VTI1A: variants seen among roughly 807,000 people sequenced by gnomAD.
The protein encoded by VTI1A is vesicle transport through interaction with t-SNAREs 1A.
Under a neutral mutation model 34.9 loss-of-function variants are expected in VTI1A, and 22 were observed. The ratio of observed to expected loss-of-function variants is 0.63; its 90% CI spans 0.45 to 0.90. VTI1A has a LOEUF of 0.90. VTI1A is among the 40% of genes least tolerant of loss of function. VTI1A has a pLI of 0.00. For missense variants in VTI1A, 268 were observed against 275.6 expected (o/e 0.97, Z 0.20); for synonymous variants, 87 against 97.3 (o/e 0.89, Z 0.62).
chr10:112,736,638 T>C (rs1428099253), intron 7 of VTI1A: 10 of 1,525,962 alleles, frequency 6.6e-6, no homozygotes, highest in African/African-American at 1.4e-5. Flanking sequence ...AATGCCAAAA[T>C]TGGAAACAAG....
intron 3 of VTI1A, among the ~76,000 whole-genome samples, chr10:112,514,861 T>G (rs1484772712): frequency 6.6e-6 from 1 of 152,028 alleles, no homozygotes; most frequent in Non-Finnish European, 1.5e-5. Flanking sequence ...GTCCTTTTCA[T>G]GCCTGTATAT....
chr10:112,826,638 T>C, the VTI1A span: 2 of 152,202 alleles, frequency 1.3e-5, no homozygotes, highest in African/African-American at 2.4e-5. Context: ...GATGCCAGCA[T>C]GAAGGAGGGT....
chr10:112,694,619 G>T (rs1848719458), intron 7 of VTI1A, among the ~76,000 whole-genome samples: 1 of 151,458 alleles, frequency 6.6e-6, no homozygotes, highest in Admixed American at 6.6e-5. Context: ...AACAAAGTTT[G>T]ACGATTCAGT....
chr10:112,817,415 G>A lies in VTI1A; in HGVS notation c.*2032G>A. The A allele has an allele frequency of 4.3e-6, 1 of 232,096 alleles. No individual in the cohort carries two copies. The highest frequency in any genetic ancestry group is 1.8e-4 in the South Asian group (1 of 5,516). 14.4% of individuals were successfully genotyped at this position (232,096 alleles called of 1,614,324 possible). ...AAGCAGACAAAATGAGAAAGGAGGA[G>A]GGCATTGCTCACCTCTCAATAGCTT... On this transcript the variant is annotated 3_prime_UTR_variant, in exon 8 of 8. Coordinates refer to ENST00000393077, the MANE Select transcript of VTI1A (RefSeq NM_145206.4).
intron 7 of VTI1A, among the ~76,000 whole-genome samples, chr10:112,699,270 G>A (rs755607604): frequency 6.6e-6 from 1 of 152,166 alleles, no homozygotes; most frequent in South Asian, 2.1e-4. Context: ...TCCACAGACG[G>A]TGTGGCTTAA....
At chr10:112,831,881 A>C in the VTI1A span, 1 of 152,172 alleles carries the variant, frequency 6.6e-6, no homozygotes, top group Non-Finnish European at 1.5e-5. Flanking sequence ...GTTAAATAAA[A>C]TATGTCCAAA....
chr10:112,500,600 A>G (rs1057246254), intron 3 of VTI1A, among the ~76,000 whole-genome samples: 1 of 152,148 alleles, frequency 6.6e-6, no homozygotes, highest in Non-Finnish European at 1.5e-5. Context: ...TGGGAGGAAC[A>G]TATTTTGTCT....
chr10:112,635,536 C>A (rs917801862), intron 5 of VTI1A, among the ~76,000 whole-genome samples: 1 of 152,020 alleles, frequency 6.6e-6, no homozygotes, highest in Non-Finnish European at 1.5e-5. Flanking sequence ...TGAGCATGGC[C>A]AGAGTGGTGT....
chr10:112,699,175 C>T (rs939445901), intron 7 of VTI1A, among the ~76,000 whole-genome samples: 14 of 152,254 alleles, frequency 9.2e-5, no homozygotes, highest in African/African-American at 3.4e-4. Context: ...CAGTTACCAT[C>T]ACTTTAGGCA....
upstream of VTI1A, chr10:112,447,186 C>T (rs1033920459): frequency 3.8e-5 from 22 of 576,104 alleles, 1 homozygote; most frequent in South Asian, 5.1e-4. Flanking sequence ...ACGCACGCAA[C>T]CCAATTTCCG....
At chr10:112,702,504 C>CGGCT (rs1849044468) in intron 7 of VTI1A, among the ~76,000 whole-genome samples, 2 of 152,188 alleles carry the variant, frequency 1.3e-5, no homozygotes, top group Admixed American at 1.3e-4. Context: ...ACTGAAACCT[C>CGGCT]CACCTCCCAA....
chr10:112,530,994 G>GA (rs1211666995), intron 4 of VTI1A, among the ~76,000 whole-genome samples: 1 of 151,290 alleles, frequency 6.6e-6, no homozygotes, highest in Non-Finnish European at 1.5e-5. Context: ...ATCTGTATGC[G>GA]AACAGAGACA....
chr10:112,617,865 T>C (rs900969176), intron 5 of VTI1A, among the ~76,000 whole-genome samples: 5 of 152,130 alleles, frequency 3.3e-5, no homozygotes, highest in Admixed American at 1.3e-4. Context: ...ATAAAAGATA[T>C]ACAAAGTGGC....
intron 5 of VTI1A, among the ~76,000 whole-genome samples, chr10:112,638,612 C>T (rs1846451716): frequency 6.6e-6 from 1 of 152,008 alleles, no homozygotes; most frequent in Admixed American, 6.6e-5. Flanking sequence ...TTCCATGAGA[C>T]ACTTTTTAGT....
chr10:112,780,949 G>T (rs977624308), intron 7 of VTI1A, among the ~76,000 whole-genome samples: 3 of 151,858 alleles, frequency 2.0e-5, no homozygotes, highest in African/African-American at 2.4e-5. Flanking sequence ...TTAACCTAGC[G>T]CATTCTTCAG....
intron 4 of VTI1A, 131 bp downstream of exon 4, chr10:112,527,295 A>T (rs1850268145): frequency 1.6e-6 from 1 of 642,828 alleles, no homozygotes; most frequent in Admixed American, 3.2e-5. Context: ...TTTAATGCAA[A>T]GCTGGAGTCT....
chr10:112,517,559 A>G (rs1849829733), intron 3 of VTI1A, among the ~76,000 whole-genome samples: 1 of 152,104 alleles, frequency 6.6e-6, no homozygotes, highest in Non-Finnish European at 1.5e-5. Context: ...GGGTAACGTT[A>G]CAGTGAATAA....
At chr10:112,759,320 G>A (rs1211751867) in intron 7 of VTI1A, among the ~76,000 whole-genome samples, 1 of 152,116 alleles carries the variant, frequency 6.6e-6, no homozygotes, top group Non-Finnish European at 1.5e-5. Context: ...TGGAAAACTA[G>A]GTTTTAGGTT....
intron 3 of VTI1A, among the ~76,000 whole-genome samples, chr10:112,525,091 G>T (rs1850172066): frequency 6.6e-6 from 1 of 152,112 alleles, no homozygotes; most frequent in African/African-American, 2.4e-5. Context: ...AGAGAACCAG[G>T]CTTAATATAT....
Sources: allele counts gnomAD v4.1 joint callset (sites outside exome capture counted in the v4.1 genomes callset), GRCh38; gene constraint gnomAD v4.1.1; transcripts MANE v1.5; gene names NCBI Gene and HGNC (gene_info 2026-07-23, HGNC 2026-07-21).